Variants in TMEM164 observed in about 807,000 individuals in gnomAD.
The protein encoded by TMEM164 is RP13-360B22.2.
In TMEM164, 4 loss-of-function variants were observed where a neutral mutation model predicts 18.8. The ratio of observed to expected loss-of-function variants is 0.21; its 90% CI spans 0.10 to 0.49. The LOEUF is 0.49. TMEM164 is among the 20% of genes least tolerant of loss of function. The pLI is 0.98. For missense variants in TMEM164, 108 were observed against 239.9 expected (o/e 0.45, Z 3.63); for synonymous variants, 86 against 101.7 (o/e 0.85, Z 0.93).
chrX:110,106,895 T>C (rs1285349089), intron 3 of TMEM164, among the ~76,000 whole-genome samples: 1 of 112,083 alleles, frequency 8.9e-6, no homozygotes, highest in Admixed American at 9.4e-5. Context: ...GGTGCCACCT[T>C]GAATGACACT....
At position 110,003,509 on chromosome X, in the gene TMEM164, AC is replaced by A; in HGVS notation, c.-265del. 2 of 285,708 alleles carry A rather than the reference AC, an allele frequency of 7.0e-6. No homozygotes were observed. Among genetic ancestry groups the A allele is most frequent in the East Asian group, 1.0e-4 (2 of 19,476 alleles). 23.5% of individuals were successfully genotyped at this position (285,708 alleles called of 1,213,427 possible). A position where few individuals can be genotyped will look rare whatever the true frequency, so the allele number is the denominator to read the frequency against. On this transcript the variant is annotated 5_prime_UTR_variant, in exon 2 of 7. Coordinates refer to ENST00000372068, the MANE Select transcript of TMEM164 (RefSeq NM_032227.4). ...CCTCTCCTTCCTTTTAGATTGGCCA[AC>A]GGCTCCTTTCAACCCTGCCTCGTTG... is the stretch of plus-strand genomic sequence containing the variant.
intron 2 of TMEM164, chrX:110,020,379 C>T (rs952506837): frequency 1.3e-6 from 1 of 752,314 alleles, no homozygotes; most frequent in Non-Finnish European, 1.6e-6. Context: ...GATGGATTGT[C>T]CAGCAGGCTA....
At chrX:110,106,245 G>A (rs757365136) in intron 3 of TMEM164, among the ~76,000 whole-genome samples, 4 of 111,108 alleles carry the variant, frequency 3.6e-5, no homozygotes, top group Admixed American at 1.9e-4. Context: ...ATCTTTGGCC[G>A]TCCGTAGGTC....
At chrX:110,087,236 T>TTATACAG (rs1272860447) in intron 3 of TMEM164, among the ~76,000 whole-genome samples, 1 of 111,937 alleles carries the variant, frequency 8.9e-6, no homozygotes, top group African/African-American at 3.2e-5. Flanking sequence ...AGTCAACTGT[T>TTATACAG]TATACAGCCT....
intron 2 of TMEM164, among the ~76,000 whole-genome samples, chrX:110,033,283 C>T (rs183448741): frequency 2.3e-3 from 261 of 112,012 alleles, no homozygotes; most frequent in South Asian, 0.022. Flanking sequence ...CAAAAAATGT[C>T]GTTTCTTTAC....
chrX:110,102,439 T>C (rs375182392), intron 3 of TMEM164, among the ~76,000 whole-genome samples: 2 of 112,325 alleles, frequency 1.8e-5, no homozygotes, highest in East Asian at 5.6e-4. Flanking sequence ...TTCCTATCTA[T>C]GAATTTGCCT....
chrX:110,054,044 G>A (rs1412730380), intron 2 of TMEM164, among the ~76,000 whole-genome samples: 1 of 111,787 alleles, frequency 8.9e-6, no homozygotes, highest in Non-Finnish European at 1.9e-5. Context: ...GGAGACAAAA[G>A]GTAGTATTGG....
At chrX:110,090,226 G>A (rs189490027) in intron 3 of TMEM164, among the ~76,000 whole-genome samples, 163 of 110,100 alleles carry the variant, frequency 1.5e-3, no homozygotes, top group African/African-American at 5.2e-3. Flanking sequence ...CTTTGTGTCC[G>A]CAGGCAAAGC....
intron 3 of TMEM164, among the ~76,000 whole-genome samples, chrX:110,079,887 G>A (rs779530058): frequency 5.5e-5 from 6 of 109,151 alleles, no homozygotes; most frequent in African/African-American, 2.0e-4. Context: ...GCTAAATGAC[G>A]AGTTAATGGT....
intron 3 of TMEM164, among the ~76,000 whole-genome samples, chrX:110,087,631 G>A (rs73636937): frequency 2.2e-3 from 249 of 110,858 alleles, no homozygotes; most frequent in African/African-American, 8.0e-3. Flanking sequence ...TCACTGAGTG[G>A]TATGGTTTAA....
intron 5 of TMEM164, among the ~76,000 whole-genome samples, chrX:110,162,290 T>G (rs1002603489): frequency 8.9e-6 from 1 of 112,586 alleles, no homozygotes; most frequent in African/African-American, 3.2e-5. Context: ...CTAGGTCAGG[T>G]CCACCTGTTG....
chrX:110,129,122 G>A (rs939349576), intron 4 of TMEM164, among the ~76,000 whole-genome samples: 2 of 111,638 alleles, frequency 1.8e-5, no homozygotes, highest in East Asian at 5.6e-4. Context: ...CTGACCTCAG[G>A]TTTTTTGATT....
chrX:110,098,680 T>A (rs891614637), intron 3 of TMEM164, among the ~76,000 whole-genome samples: 2 of 111,738 alleles, frequency 1.8e-5, no homozygotes, highest in Non-Finnish European at 3.8e-5. Flanking sequence ...TTAGTTTGCA[T>A]TTCTCTAATG....
At chrX:110,007,948 G>A (rs185094540) in intron 2 of TMEM164, among the ~76,000 whole-genome samples, 56 of 112,344 alleles carry the variant, frequency 5.0e-4, no homozygotes, top group Non-Finnish European at 9.8e-4. Context: ...CATAAGGCAG[G>A]CTGTATCCAG....
At chrX:110,018,629 C>T (rs1478895963) in intron 2 of TMEM164, among the ~76,000 whole-genome samples, 3 of 112,105 alleles carry the variant, frequency 2.7e-5, no homozygotes, top group African/African-American at 9.7e-5. Context: ...GACCAGTATA[C>T]CTAAAGCCTC....
chrX:110,109,347 A>G (rs1383992090), intron 4 of TMEM164, among the ~76,000 whole-genome samples: 2 of 111,606 alleles, frequency 1.8e-5, no homozygotes, highest in African/African-American at 3.3e-5. Flanking sequence ...GTGAAGCCCT[A>G]TCTCTACTAA....
Position 110,176,503 on chromosome X carries a change from G to A in TMEM164, c.*3052G>A. 1.5e-6 allele frequency: 1 copy of A among 672,592 alleles called. No individual in the cohort carries two copies. The highest frequency in any genetic ancestry group is 1.8e-6 in the Non-Finnish European group (1 of 563,987). The allele number at this position is 672,592 out of a possible 1,213,427, so 55.4% of individuals were successfully genotyped here. On this transcript the variant is annotated 3_prime_UTR_variant, in exon 7 of 7. Coordinates refer to ENST00000372068, the MANE Select transcript of TMEM164 (RefSeq NM_032227.4). ...CGCATTCATAGAAGCTGCTTGCAGG[G>A]TCGCCGGGCTAACCAGGGTGATCGG...
At chrX:110,019,020 A>G (rs1933644416) in intron 2 of TMEM164, among the ~76,000 whole-genome samples, 1 of 111,711 alleles carries the variant, frequency 9.0e-6, no homozygotes, top group Non-Finnish European at 1.9e-5. Context: ...GTAGCCTGGC[A>G]AAAGGGAGAA....
chrX:110,159,944 A>G (rs1393519904), intron 5 of TMEM164, among the ~76,000 whole-genome samples: 2 of 111,208 alleles, frequency 1.8e-5, no homozygotes, highest in Admixed American at 1.9e-4. Flanking sequence ...TTGATCATAA[A>G]CACCCCAGGC....
Sources: allele counts gnomAD v4.1 joint callset (sites outside exome capture counted in the v4.1 genomes callset), GRCh38; gene constraint gnomAD v4.1.1; transcripts MANE v1.5; gene names NCBI Gene and HGNC (gene_info 2026-07-23, HGNC 2026-07-21).